SLC6A17: variants seen among roughly 807,000 people sequenced by gnomAD.
The protein encoded by SLC6A17 is sodium-dependent neutral amino acid transporter SLC6A17.
A neutral mutation model predicts 64.5 loss-of-function variants in SLC6A17; 21 were observed. The observed-to-expected ratio is 0.33, with a 90% CI of 0.23 to 0.47. The LOEUF is 0.47. Among genes scored for constraint, SLC6A17 ranks in the 20% least tolerant of loss-of-function variants. SLC6A17 has a pLI of 1.00. For missense variants in SLC6A17, 682 were observed against 963.2 expected (o/e 0.71, Z 3.86); for synonymous variants, 372 against 399.5 (o/e 0.93, Z 0.82).
chr1:110,171,996 C>G, intron 2 of SLC6A17, 64 bp from the exon 3 acceptor site: 1 of 1,576,932 alleles, frequency 6.3e-7, no homozygotes. Context: ...ATGGCTGCGG[C>G]CCCTTCCCTC....
Position 110,181,583 on chromosome 1 carries a change from TTGTCATTAAC to T in SLC6A17, c.864+4848_864+4857del, listed in dbSNP as rs1222197605. 2.0e-5 allele frequency among the ~76,000 whole-genome samples: 3 copies of T among 152,318 alleles called. No homozygotes were observed. The East Asian group carries it at 5.8e-4, about 29-fold the overall frequency. On this transcript the variant is annotated intron_variant, in intron 6 of 11. Coordinates refer to ENST00000331565, the MANE Select transcript of SLC6A17 (RefSeq NM_001010898.4). ...TTGTCAGATAATATAAGATAAAGAA[TTGTCATTAAC>T]TGTTGATGCCAAGGGGAAAAATAAA...
At chr1:110,176,565 G>A in intron 5 of SLC6A17, 64 bp from the exon 6 acceptor site, 1 of 1,482,784 alleles carries the variant, frequency 6.7e-7, no homozygotes, top group Admixed American at 1.7e-5. Context: ...GATGTGAGCA[G>A]GGATGGGGGG....
intron 8 of SLC6A17, 24 bp from the exon 9 acceptor site, chr1:110,194,555 C>A: frequency 6.2e-7 from 1 of 1,608,320 alleles, no homozygotes. Flanking sequence ...ACCTCACAGG[C>A]CCTGCTTTCC....
At chr1:110,167,491 C>G (rs765280937) in intron 2 of SLC6A17, among the ~76,000 whole-genome samples, 88 of 152,296 alleles carry the variant, frequency 5.8e-4, no homozygotes, top group Non-Finnish European at 1.5e-5. Flanking sequence ...ATTGCTTAAC[C>G]TCTCTGTGCC....
chr1:110,150,922 C>G (rs1655581602), intron 1 of SLC6A17, 39 bp downstream of exon 1: 1 of 152,210 alleles, frequency 6.6e-6, no homozygotes, highest in Admixed American at 6.5e-5. Context: ...TTTACCGGGC[C>G]GGCCACTGCA....
At chr1:110,171,970 G>T in intron 2 of SLC6A17, 90 bp from the exon 3 acceptor site, 4 of 1,514,140 alleles carry the variant, frequency 2.6e-6, no homozygotes, top group Non-Finnish European at 3.6e-6. Flanking sequence ...CAGAGATGTG[G>T]CTGAGACTGG....
At chr1:110,180,716 C>T (rs186050869) in intron 6 of SLC6A17, among the ~76,000 whole-genome samples, 251 of 152,246 alleles carry the variant, frequency 1.6e-3, no homozygotes, top group Non-Finnish European at 3.4e-3. Context: ...TACAATGATG[C>T]TGTAAAGTAC....
intron 5 of SLC6A17, among the ~76,000 whole-genome samples, 181 bp downstream of exon 5, chr1:110,175,141 G>T (rs146876115): frequency 1.4e-3 from 215 of 152,326 alleles, no homozygotes; most frequent in African/African-American, 5.1e-3. Context: ...AGCCTACCCG[G>T]AATGGAATAG....
Position 110,192,078 on chromosome 1 carries a change from A to T in SLC6A17, c.971A>T (p.Lys324Met). The T allele has an allele frequency of 6.2e-7, 1 of 1,614,198 alleles. No homozygotes were observed. Among genetic ancestry groups the T allele is most frequent in the Non-Finnish European group, 8.5e-7 (1 of 1,180,038 alleles). Residue 324 changes from lysine to methionine, a missense_variant, in exon 7 of 12, where the codon AAG (lysine) becomes ATG (methionine). Around this residue, in one of 3 missense-constraint regions of SLC6A17, gnomAD observed 415 missense variants for 603.8 expected, o/e 0.69. Coordinates refer to ENST00000331565, the MANE Select transcript of SLC6A17 (RefSeq NM_001010898.4). This position sits in a 1 kb window ranked among gnomAD's most constrained non-coding sequence, Gnocchi z 4.3. Reference protein sequence around the residue: ...GGVIAFSSYNKQDNNCHFDAA... With the variant: ...GGVIAFSSYNMQDNNCHFDAA... ...GTCATTGCCTTCTCCAGCTACAATA[A>T]GCAGGACAACAACTGCCACTTCGAT...
At position 110,200,244 on chromosome 1, in the gene SLC6A17, C is replaced by T; in HGVS notation, c.*1800C>T. On this transcript the variant is annotated 3_prime_UTR_variant, in exon 12 of 12. Transcript: ENST00000331565. ...AACCCTGCCATCTCCCTTACTCATCCCTCTTCCACAGCTTCCCCTTTCTAG... is the reference window on the plus strand; with the variant it reads ...AACCCTGCCATCTCCCTTACTCATCTCTCTTCCACAGCTTCCCCTTTCTAG... 1 of 396,878 alleles carries T rather than the reference C, an allele frequency of 2.5e-6. No homozygotes were observed. Among genetic ancestry groups the T allele is most frequent in the Non-Finnish European group, 4.4e-6 (1 of 225,602 alleles). 24.6% of individuals were successfully genotyped at this position (396,878 alleles called of 1,614,324 possible).
chr1:110,174,783 G>A lies in SLC6A17; in HGVS notation c.576G>A (p.Val192=), dbSNP rs2101848392. 3.1e-6 allele frequency: 5 copies of A among 1,613,924 alleles called. No homozygotes were observed. The highest frequency in any genetic ancestry group is 4.2e-6 in the Non-Finnish European group (5 of 1,179,860). The change falls in exon 5 of 12, where the codon GTG becomes GTA. Residue 192 remains valine (V), a synonymous_variant. Coordinates refer to ENST00000331565, the MANE Select transcript of SLC6A17 (RefSeq NM_001010898.4). ...TGACCTTTGCTGCTATTTCAGTGGT[G>A]GAGGCAGAGTGTGAAAAGAGCTCAG... ...PVVRNGSVAV[V]EAECEKSSAT... is the part of the protein sequence containing the mutation.
chr1:110,193,675 C>G (rs1656886952), intron 8 of SLC6A17, among the ~76,000 whole-genome samples: 1 of 152,244 alleles, frequency 6.6e-6, no homozygotes, highest in South Asian at 2.1e-4. Context: ...CCCTGCGGAT[C>G]AAGAGCAAAA....
chr1:110,199,901 AGATG>A lies in SLC6A17; in HGVS notation c.*1479_*1482del, dbSNP rs1217455792. Reference sequence around the variant, plus strand: ...GGGGAGTGGGGGTGGATGGATGGATAGATGGATGGATGGATGGATGGATGGGTTG... The same window carrying A: ...GGGGAGTGGGGGTGGATGGATGGATAGATGGATGGATGGATGGATGGGTTG... On this transcript the variant is annotated 3_prime_UTR_variant, in exon 12 of 12. Transcript: ENST00000331565. The A allele has an allele frequency of 1.1e-3, 282 of 249,520 alleles. No homozygotes were observed. Among genetic ancestry groups the A allele is most frequent in the African/African-American group, 4.5e-3 (159 of 35,284 alleles). The allele number at this position is 249,520 out of a possible 1,614,324, so 15.5% of individuals were successfully genotyped here.
rs762626189 is a variant in SLC6A17 at position 110,167,261 on chromosome 1, CG to C, written c.286+50del. On this transcript the variant is annotated intron_variant, in intron 2 of 11. Coordinates refer to ENST00000331565, the MANE Select transcript of SLC6A17 (RefSeq NM_001010898.4). ...CATCAGGGGTCCCCTGCAAATAGGC[CG>C]GGGATGAGGGGTAAAAAAGAACACC... 6 of 1,572,602 alleles carry C rather than the reference CG, an allele frequency of 3.8e-6. No individual in the cohort carries two copies. The East Asian group carries it at 6.8e-5, about 18-fold the overall frequency.
intron 10 of SLC6A17, among the ~76,000 whole-genome samples, chr1:110,196,959 T>G (rs1049925383): frequency 6.6e-6 from 1 of 152,180 alleles, no homozygotes; most frequent in South Asian, 2.1e-4. Flanking sequence ...AGATGATTCT[T>G]TTGTATGCCA....
Position 110,167,103 on chromosome 1 carries a change from G to C in SLC6A17, c.174G>C (p.Glu58Asp), listed in dbSNP as rs553613094. 1.9e-6 allele frequency: 3 copies of C among 1,612,842 alleles called. No individual in the cohort carries two copies. The highest frequency in any genetic ancestry group is 2.2e-5 in the East Asian group (1 of 44,806). Reference protein sequence around the residue: ...QKAVEEELDAEDRPAWNSKLQ... With the variant: ...QKAVEEELDADDRPAWNSKLQ... ...CGGTGGAGGAGGAGCTGGATGCAGA[G>C]GACCGGCCGGCCTGGAACAGTAAGC... Residue 58 changes from glutamate (E) to aspartate (D), a missense_variant, in exon 2 of 12, where the codon GAG (glutamate) becomes GAC (aspartate). Glu to Asp is a conservative substitution (Grantham distance 45). Around this residue, in one of 3 missense-constraint regions of SLC6A17, gnomAD observed 415 missense variants for 603.8 expected, o/e 0.69. Transcript: ENST00000331565.
intron 5 of SLC6A17, 151 bp from the exon 6 acceptor site, chr1:110,176,478 G>A: frequency 1.5e-6 from 1 of 681,786 alleles, no homozygotes; most frequent in South Asian, 1.7e-5. Context: ...TGCCAGATGT[G>A]TGGCAGTTTT....
chr1:110,171,818 A>G (rs971662370), intron 2 of SLC6A17, among the ~76,000 whole-genome samples: 4 of 151,960 alleles, frequency 2.6e-5, no homozygotes, highest in Admixed American at 6.6e-5. Context: ...GTTGACATAC[A>G]TACACTTCCT....
chr1:110,196,387 G>A (rs1005518863), intron 10 of SLC6A17, among the ~76,000 whole-genome samples: 3 of 152,166 alleles, frequency 2.0e-5, no homozygotes, highest in African/African-American at 2.4e-5. Context: ...AACCCACTTG[G>A]TCTGACCCTC....
Sources: allele counts gnomAD v4.1 joint callset (sites outside exome capture counted in the v4.1 genomes callset), GRCh38; gene constraint gnomAD v4.1.1; regional missense constraint gnomAD v4.1.1; non-coding constraint Gnocchi (gnomAD v3.1); transcripts MANE v1.5; gene names NCBI Gene and HGNC (gene_info 2026-07-23, HGNC 2026-07-21).